The following LMO2 variants were observed in gnomAD, a reference collection of about 807,000 sequenced individuals.
LMO2 encodes LIM domain only 2.
Under a neutral mutation model 23.2 loss-of-function variants are expected in LMO2, and 20 were observed. The observed-to-expected ratio is 0.86, with a 90% CI of 0.61 to 1.25. LMO2 has a LOEUF of 1.25. Among genes scored for constraint, LMO2 ranks in the 50% most tolerant of loss-of-function variants. LMO2 has a pLI of 0.00. For missense variants in LMO2, 270 were observed against 315.3 expected (o/e 0.86, Z 1.09); for synonymous variants, 123 against 130.2 (o/e 0.94, Z 0.38).
At chr11:33,876,022 G>A (rs980941727) in intron 2 of LMO2, among the ~76,000 whole-genome samples, 2 of 152,126 alleles carry the variant, frequency 1.3e-5, no homozygotes, top group African/African-American at 4.8e-5. Flanking sequence ...CTTCTTTCTG[G>A]TTCTTAAAAC....
intron 5 of LMO2, 144 bp from the exon 6 acceptor site, chr11:33,859,719 T>A: frequency 3.1e-6 from 2 of 648,378 alleles, no homozygotes; most frequent in Non-Finnish European, 2.6e-6. Context: ...GAGGGCCGGC[T>A]AGTGCAGTCT....
At chr11:33,883,739 C>T (rs746483) in intron 1 of LMO2, among the ~76,000 whole-genome samples, 113,764 of 152,044 alleles carry the variant, frequency 0.75, 42,681 homozygotes, top group South Asian at 0.84. Context: ...CTTGCAACAC[C>T]CTAATGAAGT....
chr11:33,874,965 T>A (rs1160668002), intron 2 of LMO2, among the ~76,000 whole-genome samples: 4 of 152,228 alleles, frequency 2.6e-5, no homozygotes, highest in Non-Finnish European at 5.9e-5. Flanking sequence ...TCATAGTGTG[T>A]CCTAGTGGAA....
At chr11:33,860,437 C>T (rs1027890251) in intron 5 of LMO2, among the ~76,000 whole-genome samples, 12 of 152,138 alleles carry the variant, frequency 7.9e-5, no homozygotes, top group Admixed American at 3.3e-4. Context: ...CTGGGACCAG[C>T]GACATCAGCA....
Position 33,869,466 on chromosome 11 carries a change from C to A in LMO2, c.128G>T (p.Gly43Val). The part of the protein sequence containing the change: ...GGGGGARAPE[G>V]VRAPAAGQPR... ...CTGGCCGGCTGCCGGGGCTCGGACC[C>A]CCTCGGGTGCTCGGGCGCCGCCGCC... The change falls in exon 4 of 6, where the codon GGG becomes GTG. Residue 43 changes from glycine (G) to valine (V), a missense_variant. By Grantham distance (109) the Gly-to-Val change is moderately radical (BLOSUM62 -3). Around this residue, in one of 2 missense-constraint regions of LMO2, gnomAD observed 170 missense variants for 162.0 expected, o/e 1.05. Transcript: ENST00000257818. The A allele has an allele frequency of 1.7e-6, 2 of 1,211,524 alleles. No individual in the cohort carries two copies. The highest frequency in any genetic ancestry group is 2.1e-6 in the Non-Finnish European group (2 of 971,386). The allele number at this position is 1,211,524 out of a possible 1,614,324, so 75.0% of individuals were successfully genotyped here.
intron 1 of LMO2, among the ~76,000 whole-genome samples, chr11:33,885,315 T>C (rs1857379989): frequency 6.6e-6 from 1 of 152,212 alleles, no homozygotes; most frequent in South Asian, 2.1e-4. Context: ...TAGGCATGTA[T>C]TTATACATTT....
At chr11:33,859,950 G>A (rs931020647) in intron 5 of LMO2, among the ~76,000 whole-genome samples, 1 of 152,144 alleles carries the variant, frequency 6.6e-6, no homozygotes, top group Non-Finnish European at 1.5e-5. Context: ...CATTTCAGAA[G>A]AGCAGCTGGA....
chr11:33,861,308 A>T (rs976181114), intron 5 of LMO2, among the ~76,000 whole-genome samples: 7 of 152,314 alleles, frequency 4.6e-5, no homozygotes, highest in Middle Eastern at 3.4e-3. Context: ...ATTTCAGGAT[A>T]TCAGAGAATC....
At chr11:33,891,262 C>T (rs1857538835) in intron 1 of LMO2, among the ~76,000 whole-genome samples, 1 of 151,976 alleles carries the variant, frequency 6.6e-6, no homozygotes, top group African/African-American at 2.4e-5. Context: ...AATCTTTGCC[C>T]TCAACTCAGA....
At chr11:33,886,946 C>T (rs904275467) in intron 1 of LMO2, among the ~76,000 whole-genome samples, 1 of 152,216 alleles carries the variant, frequency 6.6e-6, no homozygotes, top group African/African-American at 2.4e-5. Flanking sequence ...TTCGCTCTTC[C>T]ATCCATAGCC....
intron 2 of LMO2, chr11:33,870,462 G>T: frequency 3.1e-6 from 3 of 966,884 alleles, no homozygotes; most frequent in Non-Finnish European, 3.7e-6. Context: ...GCGGGCTACG[G>T]GCTGCGGGCC....
In LMO2 at chr11:33,880,204, G is replaced by GATAT. The variant is rs748436879; in HGVS notation, c.-272+1616_-272+1619dup. On this transcript the variant is annotated intron_variant, in intron 2 of 5. Coordinates refer to ENST00000257818, the MANE Select transcript of LMO2 (RefSeq NM_005574.4). The surrounding 1 kb of genome is among the most constrained non-coding windows in gnomAD (Gnocchi z 4.3). ...TGATATATATATCATATATACACAT[G>GATAT]ATATATATATCATATATACACATGA... 5.2e-5 allele frequency among the ~76,000 whole-genome samples: 4 copies of GATAT among 77,664 alleles called. No homozygotes were observed. The highest frequency in any genetic ancestry group is 4.9e-4 in the South Asian group (1 of 2,024). The allele number at this position is 77,664 out of a possible 152,430, so 51.0% of individuals were successfully genotyped here.
At position 33,869,909 on chromosome 11, in the gene LMO2, T is replaced by C; in HGVS notation, c.-193A>G. ...AGGGGCGGGGAGGGGACCGTGCGTC[T>C]CTCTCCGGGCTTCCTCCTCTCTCGG... On this transcript the variant is annotated 5_prime_UTR_variant, in exon 3 of 6. Transcript: ENST00000257818. 9.5e-7 allele frequency: 1 copy of C among 1,050,110 alleles called. No homozygotes were observed. The highest frequency in any genetic ancestry group is 1.1e-6 in the Non-Finnish European group (1 of 871,304). 65.0% of individuals were successfully genotyped at this position (1,050,110 alleles called of 1,614,324 possible). A position where few individuals can be genotyped will look rare whatever the true frequency, so the allele number is the denominator to read the frequency against.
At chr11:33,870,926 G>T in intron 2 of LMO2, 1 of 354,384 alleles carries the variant, frequency 2.8e-6, no homozygotes, top group Non-Finnish European at 3.9e-6. Flanking sequence ...CCCTTCCGTG[G>T]AGAAAAACTT....
intron 2 of LMO2, among the ~76,000 whole-genome samples, chr11:33,874,435 G>A (rs1478601724): frequency 1.3e-5 from 2 of 152,204 alleles, no homozygotes; most frequent in East Asian, 3.8e-4. Flanking sequence ...CAATCATAAT[G>A]TCACCAGGGC....
At position 33,859,587 on chromosome 11, in the gene LMO2, G is replaced by C; in HGVS notation, c.465-12C>G. 2 of 1,612,716 alleles carry C rather than the reference G, an allele frequency of 1.2e-6. No individual in the cohort carries two copies. The highest frequency in any genetic ancestry group is 1.7e-6 in the Non-Finnish European group (2 of 1,179,140). On this transcript the variant is annotated splice_polypyrimidine_tract_variant and intron_variant, in intron 5 of 5. Coordinates refer to ENST00000257818, the MANE Select transcript of LMO2 (RefSeq NM_005574.4). ...CTTGCCCAAAAAGCCTGGGGCAAAA[G>C]AAAGAAAAGCTAAGAAGACAGTGAA...
At chr11:33,869,135 C>T (rs1315052755) in intron 4 of LMO2, among the ~76,000 whole-genome samples, 1 of 152,168 alleles carries the variant, frequency 6.6e-6, no homozygotes, top group African/African-American at 2.4e-5. Context: ...CGGGCCGACC[C>T]CTGTCCCTGC....
intron 1 of LMO2, among the ~76,000 whole-genome samples, chr11:33,887,700 A>G (rs1279788331): frequency 5.3e-5 from 8 of 151,822 alleles, no homozygotes; most frequent in African/African-American, 1.7e-4. Flanking sequence ...ACGCTTGGCT[A>G]ATTTTTGTTT....
intron 1 of LMO2, among the ~76,000 whole-genome samples, chr11:33,889,233 A>G (rs995139257): frequency 6.6e-6 from 1 of 152,142 alleles, no homozygotes; most frequent in Non-Finnish European, 1.5e-5. Flanking sequence ...GGCACCAAGA[A>G]TTTAAAAATA....
Sources: allele counts gnomAD v4.1 joint callset (sites outside exome capture counted in the v4.1 genomes callset), GRCh38; gene constraint gnomAD v4.1.1; regional missense constraint gnomAD v4.1.1; non-coding constraint Gnocchi (gnomAD v3.1); transcripts MANE v1.5; gene names NCBI Gene and HGNC (gene_info 2026-07-23, HGNC 2026-07-21).